Variants in LPA observed in about 807,000 individuals in gnomAD.
LPA encodes the protein apolipoprotein(a).
LPA carries 199 observed loss-of-function variants against 197.9 expected under a neutral mutation model. The observed-to-expected ratio is 1.01, with a 90% CI of 0.90 to 1.13. The LOEUF is 1.13. Among genes scored for constraint, LPA ranks in the 50% most tolerant of loss-of-function variants. The pLI is 0.00. For missense variants in LPA, 1,853 were observed against 1,785.8 expected, an observed-to-expected ratio of 1.04 and a Z score of -0.68; for synonymous variants, 715 against 639.5, an observed-to-expected ratio of 1.12 and a Z score of -1.78.
At chr6:160,663,313 A>G (rs983306436) in intron 1 of LPA, among the ~76,000 whole-genome samples, 17 of 152,220 alleles carry the variant, frequency 1.1e-4, no homozygotes, top group African/African-American at 3.6e-4. Flanking sequence ...AAGTGAGAAG[A>G]GCCCTAGATT....
chr6:160,555,465 A>G (rs7743213), intron 30 of LPA, among the ~76,000 whole-genome samples: 32,488 of 133,752 alleles, frequency 0.24, 4,204 homozygotes, highest in Non-Finnish European at 0.27. Flanking sequence ...ATGTGTGTGT[A>G]TATATATATG....
chr6:160,541,771 A>G (rs1277631161), intron 34 of LPA, among the ~76,000 whole-genome samples: 1 of 152,210 alleles, frequency 6.6e-6, no homozygotes. Flanking sequence ...GAAGTGCATG[A>G]TGGCAGTATG....
intron 22 of LPA, among the ~76,000 whole-genome samples, 180 bp downstream of exon 22, chr6:160,593,778 A>T (rs1264077472): frequency 2.6e-5 from 4 of 152,140 alleles, no homozygotes; most frequent in Non-Finnish European, 4.4e-5. Flanking sequence ...GAGAAAAGAG[A>T]GCTGGCCTGA....
chr6:160,581,645 A>G (rs1350543545), intron 26 of LPA, among the ~76,000 whole-genome samples: 1 of 152,142 alleles, frequency 6.6e-6, no homozygotes, highest in Non-Finnish European at 1.5e-5. Context: ...CCATATTACC[A>G]TATGCATCTA....
rs561368748 is a variant in LPA at position 160,647,064 on chromosome 6, G to C, written c.210-669C>G. 3.9e-5 allele frequency among the ~76,000 whole-genome samples: 6 copies of C among 152,288 alleles called. 1 individual carries two copies. Among genetic ancestry groups the C allele is most frequent in the African/African-American group, 2.4e-5 (1 of 41,564 alleles). Reference sequence around the variant, plus strand: ...TTCTCAAAGCTGCCCTGGAAAACTTGCTCCCAGGCAGAATGCAGTATCTCT... The same window carrying C: ...TTCTCAAAGCTGCCCTGGAAAACTTCCTCCCAGGCAGAATGCAGTATCTCT... On this transcript the variant is annotated intron_variant, in intron 2 of 38. Transcript: ENST00000316300.
chr6:160,655,426 G>A (rs1780115579), intron 1 of LPA, among the ~76,000 whole-genome samples: 1 of 152,180 alleles, frequency 6.6e-6, no homozygotes, highest in African/African-American at 2.4e-5. Context: ...TTTCACAGCA[G>A]CCTGGACCTG....
intron 28 of LPA, among the ~76,000 whole-genome samples, chr6:160,576,831 T>G (rs1484108566): frequency 1.3e-5 from 2 of 151,428 alleles, no homozygotes; most frequent in Non-Finnish European, 2.9e-5. Context: ...TGACATTGAT[T>G]TTTAGTGGGC....
At chr6:160,571,882 A>G (rs998686568) in intron 28 of LPA, among the ~76,000 whole-genome samples, 2 of 151,998 alleles carry the variant, frequency 1.3e-5, no homozygotes, top group African/African-American at 4.8e-5. Context: ...ACGGGGGTGA[A>G]TGGTTCTGTC....
chr6:160,542,602 G>C, intron 34 of LPA, 86 bp downstream of exon 34: 2 of 1,591,990 alleles, frequency 1.3e-6, no homozygotes, highest in South Asian at 2.2e-5. Flanking sequence ...TGATGCATCA[G>C]CTGTGTGGGT....
intron 30 of LPA, among the ~76,000 whole-genome samples, chr6:160,554,882 C>A (rs1005468920): frequency 6.6e-6 from 1 of 152,112 alleles, no homozygotes; most frequent in African/African-American, 2.4e-5. Flanking sequence ...CTGTGGTTGG[C>A]TTTGGCTCCA....
rs187178788 is a variant in LPA at position 160,561,784 on chromosome 6, A to G, written c.4632-4213T>C. On this transcript the variant is annotated intron_variant, in intron 28 of 38. Transcript: ENST00000316300. The stretch of plus-strand genomic sequence containing the variant: ...GTAGTTCTCCTTGAAGAGGTCCTTC[A>G]CATCCCTTGTAAGTTGGATTCCTAG... 6.6e-5 allele frequency among the ~76,000 whole-genome samples: 10 copies of G among 152,268 alleles called. No individual in the cohort carries two copies. In the South Asian group the frequency reaches 2.1e-3, roughly 32 times the overall value.
intron 1 of LPA, among the ~76,000 whole-genome samples, chr6:160,654,324 C>T (rs1362537307): frequency 6.7e-6 from 1 of 149,416 alleles, no homozygotes; most frequent in Non-Finnish European, 1.5e-5. Flanking sequence ...ACATTTTTCT[C>T]CCTGCTTTAC....
chr6:160,648,773 C>A (rs542421617), intron 2 of LPA, among the ~76,000 whole-genome samples: 35 of 152,194 alleles, frequency 2.3e-4, no homozygotes, highest in African/African-American at 7.7e-4. Context: ...TATACTCTTA[C>A]TGTCTCTGGA....
At chr6:160,540,394 A>G (rs765637058) in intron 35 of LPA, among the ~76,000 whole-genome samples, 4 of 152,220 alleles carry the variant, frequency 2.6e-5, no homozygotes, top group Non-Finnish European at 5.9e-5. Context: ...TATAGTTTGT[A>G]TATTTGTCCC....
At chr6:160,557,848 C>T (rs947585031) in intron 28 of LPA, among the ~76,000 whole-genome samples, 4 of 151,810 alleles carry the variant, frequency 2.6e-5, no homozygotes, top group African/African-American at 9.7e-5. Context: ...AAGAAAAATT[C>T]GGAATATCTT....
chr6:160,647,400 A>T (rs149535297), intron 2 of LPA, among the ~76,000 whole-genome samples: 194 of 152,280 alleles, frequency 1.3e-3, no homozygotes, highest in East Asian at 0.012. Flanking sequence ...GCTGCCTGAG[A>T]AAATGGGAAA....
At chr6:160,661,925 G>A (rs181335623) in intron 1 of LPA, among the ~76,000 whole-genome samples, 23 of 152,280 alleles carry the variant, frequency 1.5e-4, no homozygotes, top group Middle Eastern at 3.4e-3. Context: ...AAATGTAGCA[G>A]AGCAGGCTAC....
Position 160,593,974 on chromosome 6 carries a change from C to T in LPA, c.3613G>A (p.Glu1205Lys), listed in dbSNP as rs1180621650. ...AGGTTGTACCCATTTGGATAATATT[C>T]TGTTGTCCTCTGATGCCAGTGTGGT... The part of the protein sequence containing the change: ...MTPHWHQRTT[E>K]YYPNGGLTRN... Residue 1205 changes from glutamate (E) to lysine (K), a missense_variant, in exon 22 of 39, where the codon GAA (glutamate) becomes AAA (lysine). Glu to Lys is a moderately conservative substitution (Grantham distance 56, BLOSUM62 1). Transcript: ENST00000316300. The T allele has an allele frequency of 1.9e-6, 3 of 1,613,884 alleles. No individual in the cohort carries two copies. Among genetic ancestry groups the T allele is most frequent in the South Asian group, 2.2e-5 (2 of 91,078 alleles).
chr6:160,553,675 T>C (rs1289520391), intron 30 of LPA, among the ~76,000 whole-genome samples: 1 of 152,228 alleles, frequency 6.6e-6, no homozygotes, highest in East Asian at 1.9e-4. Context: ...TGTACCCAAG[T>C]AAATCATAGA....
Sources: allele counts gnomAD v4.1 joint callset (sites outside exome capture counted in the v4.1 genomes callset), GRCh38; gene constraint gnomAD v4.1.1; transcripts MANE v1.5; gene names NCBI Gene and HGNC (gene_info 2026-07-23, HGNC 2026-07-21).